IMMP2L: variants seen among roughly 807,000 people sequenced by gnomAD.
IMMP2L encodes mitochondrial inner membrane protease subunit 2.
IMMP2L carries 18 observed loss-of-function variants against 19.3 expected under a neutral mutation model. The observed-to-expected ratio is 0.93, with a 90% CI of 0.64 to 1.38. The LOEUF is 1.38. IMMP2L is among the 40% of genes most tolerant of loss of function. IMMP2L has a pLI of 0.00. For synonymous variants in IMMP2L, 76 were observed against 73.0 expected, an observed-to-expected ratio of 1.04 and a Z score of -0.21; for missense variants, 233 against 218.2, an observed-to-expected ratio of 1.07 and a Z score of -0.43.
chr7:111,268,572 T>C (rs1818094804), intron 3 of IMMP2L, among the ~76,000 whole-genome samples: 4 of 19,694 alleles, frequency 2.0e-4, no homozygotes, highest in African/African-American at 6.4e-4. Flanking sequence ...CATTTCTCTT[T>C]TTTTTTTTTT....
At chr7:110,987,093 A>G (rs1821939365) in intron 3 of IMMP2L, among the ~76,000 whole-genome samples, 1 of 152,184 alleles carries the variant, frequency 6.6e-6, no homozygotes, top group South Asian at 2.1e-4. Flanking sequence ...AATAAATGCC[A>G]ATTTCAAGAA....
At chr7:110,667,610 A>G (rs980851873) in intron 5 of IMMP2L, among the ~76,000 whole-genome samples, 1 of 152,202 alleles carries the variant, frequency 6.6e-6, no homozygotes, top group Non-Finnish European at 1.5e-5. Flanking sequence ...TTGAAGGTGC[A>G]GAAAAGGACC....
At chr7:111,154,631 A>C (rs1804440594) in intron 3 of IMMP2L, among the ~76,000 whole-genome samples, 2 of 152,196 alleles carry the variant, frequency 1.3e-5, no homozygotes, top group African/African-American at 4.8e-5. Flanking sequence ...ATTGCTCCAA[A>C]TCTTACTTGC....
intron 3 of IMMP2L, among the ~76,000 whole-genome samples, chr7:111,482,767 T>C (rs934508002): frequency 1.3e-5 from 2 of 152,166 alleles, no homozygotes; most frequent in Non-Finnish European, 2.9e-5. Context: ...TTCTCACTGC[T>C]GCAGCTTCCT....
At chr7:111,196,246 A>G (rs1190577916) in intron 3 of IMMP2L, among the ~76,000 whole-genome samples, 1 of 152,212 alleles carries the variant, frequency 6.6e-6, no homozygotes, top group Non-Finnish European at 1.5e-5. Context: ...GAATAATGTG[A>G]AAGATTATAT....
chr7:111,489,540 C>T (rs372672125), intron 2 of IMMP2L, among the ~76,000 whole-genome samples: 20 of 152,228 alleles, frequency 1.3e-4, no homozygotes, highest in African/African-American at 2.9e-4. Context: ...AAATAGTGAA[C>T]GCAGGGCAAC....
At chr7:110,788,923 A>T (rs1800275104) in intron 5 of IMMP2L, among the ~76,000 whole-genome samples, 1 of 151,724 alleles carries the variant, frequency 6.6e-6, no homozygotes, top group Non-Finnish European at 1.5e-5. Context: ...AAGTTATGTG[A>T]TGTCTAAGAC....
At chr7:111,440,275 A>G (rs775607496) in intron 3 of IMMP2L, among the ~76,000 whole-genome samples, 14 of 151,880 alleles carry the variant, frequency 9.2e-5, no homozygotes, top group Non-Finnish European at 1.3e-4. Context: ...TAATTTGACT[A>G]GATCCATCAG....
chr7:111,308,910 G>A (rs1234882389), intron 3 of IMMP2L, among the ~76,000 whole-genome samples: 2 of 151,992 alleles, frequency 1.3e-5, no homozygotes, highest in African/African-American at 2.4e-5. Context: ...AGGGAAAAAA[G>A]TACAATATGG....
chr7:111,053,898 T>G (rs1467423134), intron 3 of IMMP2L, among the ~76,000 whole-genome samples: 1 of 152,230 alleles, frequency 6.6e-6, no homozygotes, highest in Non-Finnish European at 1.5e-5. Context: ...GCATTTTATA[T>G]TTATTATTTT....
chr7:111,414,745 CTG>C (rs1413941041), intron 3 of IMMP2L, among the ~76,000 whole-genome samples: 1 of 151,678 alleles, frequency 6.6e-6, no homozygotes, highest in Non-Finnish European at 1.5e-5. Flanking sequence ...ATAGGTGAAA[CTG>C]TGTACAGGGA....
chr7:111,066,834 C>T (rs1794549753), intron 3 of IMMP2L, among the ~76,000 whole-genome samples: 1 of 152,038 alleles, frequency 6.6e-6, no homozygotes. Context: ...TTAGTAAAAC[C>T]AATAATTCAA....
chr7:110,705,969 G>A (rs1794650233), intron 5 of IMMP2L, among the ~76,000 whole-genome samples: 1 of 152,000 alleles, frequency 6.6e-6, no homozygotes, highest in Non-Finnish European at 1.5e-5. Flanking sequence ...CATCATTGAT[G>A]GGCACCTAGG....
chr7:110,696,282 A>T (rs368736297), intron 5 of IMMP2L, among the ~76,000 whole-genome samples: 1 of 152,168 alleles, frequency 6.6e-6, no homozygotes, highest in South Asian at 2.1e-4. Flanking sequence ...GTAGTGAGTG[A>T]CATGAGATTT....
intron 5 of IMMP2L, among the ~76,000 whole-genome samples, chr7:110,761,234 T>C (rs1214771666): frequency 6.6e-6 from 1 of 152,252 alleles, no homozygotes; most frequent in East Asian, 1.9e-4. Context: ...TGGGAAATAA[T>C]GACTTCTTGA....
intron 3 of IMMP2L, among the ~76,000 whole-genome samples, chr7:111,143,678 G>T (rs1313896038): frequency 2.0e-5 from 3 of 152,180 alleles, no homozygotes; most frequent in Non-Finnish European, 2.9e-5. Flanking sequence ...CTTTAAAAAA[G>T]ATAACTGTAA....
chr7:111,125,778 A>AT (rs2129591037), intron 3 of IMMP2L, among the ~76,000 whole-genome samples: 1 of 136,256 alleles, frequency 7.3e-6, no homozygotes, highest in South Asian at 2.3e-4. Flanking sequence ...ATAAAGTCTT[A>AT]TTTTAATAAT....
chr7:111,058,550 T>C (rs1793721816), intron 3 of IMMP2L, among the ~76,000 whole-genome samples: 1 of 152,214 alleles, frequency 6.6e-6, no homozygotes, highest in Non-Finnish European at 1.5e-5. Flanking sequence ...ATTATTATTT[T>C]AAAATGAATT....
chr7:111,326,231 A>T (rs1825303297), intron 3 of IMMP2L, among the ~76,000 whole-genome samples: 1 of 151,766 alleles, frequency 6.6e-6, no homozygotes, highest in Non-Finnish European at 1.5e-5. Flanking sequence ...TTGAGATATA[A>T]ATTATGCATT....
Sources: gnomAD v4.1 joint callset for allele counts (sites outside exome capture counted in the v4.1 genomes callset) on GRCh38, gnomAD v4.1.1 for gene constraint, MANE v1.5 for transcripts, NCBI Gene and HGNC (gene_info 2026-07-23, HGNC 2026-07-21) for gene names.